The following C1orf105 variants were observed in gnomAD, a reference collection of about 807,000 sequenced individuals.
The protein encoded by C1orf105 is uncharacterized protein C1orf105.
Under a neutral mutation model 20.8 loss-of-function variants are expected in C1orf105, and 17 were observed. That is an observed-to-expected ratio of 0.82 (90% CI 0.56 to 1.23). The LOEUF (loss-of-function observed/expected upper bound fraction) is 1.23. Among genes scored for constraint, C1orf105 ranks in the 50% most tolerant of loss-of-function variants. C1orf105 has a pLI of 0.00. For synonymous variants in C1orf105, 72 were observed against 72.1 expected, an observed-to-expected ratio of 1.00 and a Z score of 0.01; for missense variants, 219 against 213.5, an observed-to-expected ratio of 1.03 and a Z score of -0.16.
At chr1:172,439,491 C>T (rs1414022683) in intron 1 of C1orf105, among the ~76,000 whole-genome samples, 1 of 152,140 alleles carries the variant, frequency 6.6e-6, no homozygotes, top group Non-Finnish European at 1.5e-5. Flanking sequence ...ACCCTTCATC[C>T]TTGCATCTAT....
chr1:172,442,791 G>T, intron 1 of C1orf105: 1 of 609,246 alleles, frequency 1.6e-6, no homozygotes, highest in Non-Finnish European at 3.0e-6. Flanking sequence ...GCCTACAATA[G>T]ATGAATTTGT....
At chr1:172,459,103 T>C (rs182938982) in intron 4 of C1orf105, among the ~76,000 whole-genome samples, 1 of 152,180 alleles carries the variant, frequency 6.6e-6, no homozygotes, top group Admixed American at 6.5e-5. Context: ...GAAGAAAACA[T>C]AGGTATAAAG....
intron 6 of C1orf105, among the ~76,000 whole-genome samples, chr1:172,467,953 G>C (rs1217276900): frequency 6.6e-6 from 1 of 152,058 alleles, no homozygotes; most frequent in African/African-American, 2.4e-5. Flanking sequence ...GATTTCTTTT[G>C]AAACAAAAGT....
chr1:172,426,272 G>A (rs1402041386), intron 1 of C1orf105, among the ~76,000 whole-genome samples: 1 of 152,150 alleles, frequency 6.6e-6, no homozygotes, highest in African/African-American at 2.4e-5. Context: ...AAGTGGGGTA[G>A]TTATCCTCAT....
intron 1 of C1orf105, among the ~76,000 whole-genome samples, chr1:172,430,697 T>A (rs2071846881): frequency 6.6e-6 from 1 of 152,076 alleles, no homozygotes; most frequent in African/African-American, 2.4e-5. Flanking sequence ...CACCTCAGCC[T>A]CCCAAAGTGC....
chr1:172,463,763 T>A (rs1013793762), intron 5 of C1orf105, among the ~76,000 whole-genome samples: 1 of 152,220 alleles, frequency 6.6e-6, no homozygotes, highest in African/African-American at 2.4e-5. Context: ...AGTTGTATTT[T>A]AAACAAATAG....
At chr1:172,453,178 A>G in intron 3 of C1orf105, 1 of 1,551,070 alleles carries the variant, frequency 6.4e-7, no homozygotes. Context: ...TTCAGCTGAT[A>G]GCAAGTCTGA....
chr1:172,429,267 C>T (rs1573829430), intron 1 of C1orf105, among the ~76,000 whole-genome samples: 1 of 152,116 alleles, frequency 6.6e-6, no homozygotes. Flanking sequence ...GACACACACA[C>T]ACATACACAC....
chr1:172,460,867 C>G (rs1649642256), intron 4 of C1orf105, among the ~76,000 whole-genome samples: 1 of 152,148 alleles, frequency 6.6e-6, no homozygotes, highest in African/African-American at 2.4e-5. Flanking sequence ...TACACTTTTT[C>G]TCAAAAACAA....
chr1:172,462,351 A>G, intron 5 of C1orf105, 106 bp downstream of exon 5: 2 of 799,430 alleles, frequency 2.5e-6, no homozygotes, highest in Non-Finnish European at 3.9e-6. Flanking sequence ...AGGAATGCTT[A>G]GGGAACAGGC....
At chr1:172,461,449 A>G (rs958523499) in intron 4 of C1orf105, among the ~76,000 whole-genome samples, 2 of 152,344 alleles carry the variant, frequency 1.3e-5, no homozygotes, top group Non-Finnish European at 2.9e-5. Context: ...TATAGCTACA[A>G]TAATTTTCGA....
At chr1:172,455,092 C>T (rs1376842401) in intron 3 of C1orf105, among the ~76,000 whole-genome samples, 1 of 152,150 alleles carries the variant, frequency 6.6e-6, no homozygotes, top group African/African-American at 2.4e-5. Context: ...CTTTGACATA[C>T]CAACCCACAA....
chr1:172,432,570 C>T (rs1053219137), intron 1 of C1orf105, among the ~76,000 whole-genome samples: 5 of 151,668 alleles, frequency 3.3e-5, no homozygotes, highest in Admixed American at 3.3e-4. Context: ...ATAGCATTAA[C>T]ATCAACAAAA....
At position 172,420,770 on chromosome 1, in the gene C1orf105, CA is replaced by C; in HGVS notation, c.-110del. The stretch of plus-strand genomic sequence containing the variant: ...CTGGCCTGTTTACTTCGTCTCCTAA[CA>C]AAAAACACTTTGGATTCAGGTTCTC... On this transcript the variant is annotated 5_prime_UTR_variant, in exon 1 of 7. Coordinates refer to ENST00000367727, the MANE Select transcript of C1orf105 (RefSeq NM_139240.4). 9.4e-7 allele frequency: 1 copy of C among 1,068,784 alleles called. No homozygotes were observed. The highest frequency in any genetic ancestry group is 1.4e-6 in the Non-Finnish European group (1 of 716,262). The allele number at this position is 1,068,784 out of a possible 1,614,324, so 66.2% of individuals were successfully genotyped here.
intron 1 of C1orf105, among the ~76,000 whole-genome samples, chr1:172,439,062 C>A (rs984102247): frequency 2.0e-5 from 3 of 152,036 alleles, no homozygotes; most frequent in African/African-American, 7.2e-5. Flanking sequence ...CCAAAAAATT[C>A]ATGTGATTTG....
intron 1 of C1orf105, chr1:172,441,991 G>T: frequency 6.2e-7 from 1 of 1,614,178 alleles, no homozygotes; most frequent in South Asian, 1.1e-5. Flanking sequence ...GGGCCACAGG[G>T]CAAAAATCTG....
intron 1 of C1orf105, among the ~76,000 whole-genome samples, chr1:172,440,121 C>T (rs1243926818): frequency 1.3e-5 from 2 of 152,188 alleles, no homozygotes; most frequent in Admixed American, 1.3e-4. Context: ...ATGTCCCAGA[C>T]ATTCTTGAGA....
chr1:172,456,265 C>T (rs1649230464), intron 3 of C1orf105, 150 bp from the exon 4 acceptor site: 2 of 695,762 alleles, frequency 2.9e-6, no homozygotes, highest in Non-Finnish European at 5.1e-6. Flanking sequence ...TCAACACCCA[C>T]CCTGGATGGG....
At chr1:172,445,373 C>T (rs1318109482) in intron 2 of C1orf105, among the ~76,000 whole-genome samples, 1 of 152,156 alleles carries the variant, frequency 6.6e-6, no homozygotes, top group Admixed American at 6.5e-5. Context: ...AAAATTTTTC[C>T]CTCTCCACCA....
Sources: allele counts gnomAD v4.1 joint callset (sites outside exome capture counted in the v4.1 genomes callset), GRCh38; gene constraint gnomAD v4.1.1; transcripts MANE v1.5; gene names NCBI Gene and HGNC (gene_info 2026-07-23, HGNC 2026-07-21).